DESI1: variants seen among roughly 807,000 people sequenced by gnomAD.
DESI1 encodes the protein desumoylating isopeptidase 1, also known as PPPDE peptidase domain containing 2.
DESI1 carries 17 observed loss-of-function variants against 22.4 expected under a neutral mutation model. The ratio of observed to expected loss-of-function variants is 0.76; its 90% CI spans 0.52 to 1.14. The LOEUF is 1.14. Among genes scored for constraint, DESI1 ranks in the 50% most tolerant of loss-of-function variants. The pLI is 0.00. For missense variants in DESI1, 177 were observed against 208.9 expected (o/e 0.85, Z 0.94); for synonymous variants, 92 against 84.2 (o/e 1.09, Z -0.51).
chr22:41,607,872 A>AAGAAG lies in DESI1; in HGVS notation c.89-16_89-12dup. The AAGAAG allele has an allele frequency of 2.5e-6, 4 of 1,614,148 alleles. No individual in the cohort carries two copies. The highest frequency in any genetic ancestry group is 3.4e-6 in the Non-Finnish European group (4 of 1,179,992). ...CTTCCAGTTGTTTCCCTGTGGAGAG[A>AAGAAG]AGAAGAGATTTAGCCACTTGGGACT... On this transcript the variant is annotated splice_polypyrimidine_tract_variant and intron_variant, in intron 1 of 5. Transcript: ENST00000263256.
chr22:41,600,589 T>G lies in DESI1; in HGVS notation c.*508A>C. The G allele has an allele frequency of 6.4e-6, 1 of 156,178 alleles. No homozygotes were observed. Among genetic ancestry groups the G allele is most frequent in the Non-Finnish European group, 1.4e-5 (1 of 70,366 alleles). 9.7% of individuals were successfully genotyped at this position (156,178 alleles called of 1,614,324 possible). A position where few individuals can be genotyped will look rare whatever the true frequency, so the allele number is the denominator to read the frequency against. The stretch of plus-strand genomic sequence containing the variant: ...GAAGGTGAGGGTTGTGGCTAAAGAG[T>G]TCACTTAGGTTAGGTTAGTCATCCT... On this transcript the variant is annotated 3_prime_UTR_variant, in exon 6 of 6. Coordinates refer to ENST00000263256, the MANE Select transcript of DESI1 (RefSeq NM_015704.3).
intron 1 of DESI1, among the ~76,000 whole-genome samples, chr22:41,608,717 A>G (rs868326830): frequency 4.2e-4 from 64 of 152,162 alleles, no homozygotes; most frequent in African/African-American, 1.5e-3. Context: ...TTCGGAAAAG[A>G]TAACTGTAGT....
At chr22:41,602,939 C>T in intron 5 of DESI1, 1 of 597,882 alleles carries the variant, frequency 1.7e-6, no homozygotes, top group Non-Finnish European at 2.4e-6. Context: ...CTGGGTGCTT[C>T]TGGGGAGTGG....
intron 1 of DESI1, among the ~76,000 whole-genome samples, chr22:41,615,667 A>G (rs1016950221): frequency 3.9e-5 from 6 of 152,206 alleles, no homozygotes; most frequent in African/African-American, 1.2e-4. Context: ...AGTCTCAATC[A>G]TTTCTATAAT....
At chr22:41,607,206 A>G (rs1414240487) in intron 3 of DESI1, 56 bp downstream of exon 3, 3 of 1,476,292 alleles carry the variant, frequency 2.0e-6, no homozygotes, top group African/African-American at 1.4e-5. Context: ...CTCCTGGTCT[A>G]CAGGAGCCCC....
intron 1 of DESI1, among the ~76,000 whole-genome samples, chr22:41,609,175 C>T (rs1395817561): frequency 1.3e-5 from 2 of 152,178 alleles, no homozygotes; most frequent in Non-Finnish European, 2.9e-5. Flanking sequence ...CTCCTCGCCT[C>T]AAGTGATCCA....
intron 1 of DESI1, among the ~76,000 whole-genome samples, chr22:41,613,514 T>C (rs1254970587): frequency 6.6e-6 from 1 of 152,228 alleles, no homozygotes; most frequent in Non-Finnish European, 1.5e-5. Context: ...CAGTTTCTTA[T>C]GTATCTTTAT....
intron 1 of DESI1, 58 bp from the exon 2 acceptor site, chr22:41,607,919 T>C: frequency 1.9e-6 from 3 of 1,602,386 alleles, no homozygotes; most frequent in Non-Finnish European, 2.6e-6. Context: ...CCCCTCAGCC[T>C]TGGTAAATTC....
intron 1 of DESI1, among the ~76,000 whole-genome samples, chr22:41,610,756 C>T (rs1218358219): frequency 6.6e-6 from 1 of 151,986 alleles, no homozygotes; most frequent in Admixed American, 6.6e-5. Context: ...GCCTGTAATC[C>T]CAGCTACTTG....
Position 41,598,824 on chromosome 22 carries a change from C to T in DESI1, c.*2273G>A, listed in dbSNP as rs986952505. 6.6e-6 allele frequency: 1 copy of T among 152,344 alleles called. No homozygotes were observed. Among genetic ancestry groups the T allele is most frequent in the Non-Finnish European group, 1.5e-5 (1 of 68,138 alleles). 9.4% of individuals were successfully genotyped at this position (152,344 alleles called of 1,614,324 possible). A position where few individuals can be genotyped will look rare whatever the true frequency, so the allele number is the denominator to read the frequency against. On this transcript the variant is annotated 3_prime_UTR_variant, in exon 6 of 6. Transcript: ENST00000263256. ...TACCCTCCCAGAAGAAACCCAGCCTCAGAAATTCTTTCTCTTTGGGCCCAA... is the reference window on the plus strand; with the variant it reads ...TACCCTCCCAGAAGAAACCCAGCCTTAGAAATTCTTTCTCTTTGGGCCCAA...
At chr22:41,607,719 T>C in intron 2 of DESI1, 121 bp downstream of exon 2, 1 of 1,187,870 alleles carries the variant, frequency 8.4e-7, no homozygotes, top group Non-Finnish European at 1.2e-6. Flanking sequence ...GCTTTAGGGC[T>C]TGAAGATTTA....
rs1323411550 is a variant in DESI1 at position 41,603,332 on chromosome 22, C to T, written c.340G>A (p.Glu114Lys). ...CGCCCAGTCAGGAACTGTGCCACTTCGTTGCTGAAGGTGTTACAATTGTGT... is the reference window on the plus strand; with the variant it reads ...CGCCCAGTCAGGAACTGTGCCACTTTGTTGCTGAAGGTGTTACAATTGTGT... Reference protein sequence around the residue: ...FEHNCNTFSNEVAQFLTGRKI... With the variant: ...FEHNCNTFSNKVAQFLTGRKI... Residue 114 changes from glutamate (E) to lysine (K), a missense_variant, in exon 5 of 6, where the codon GAA (glutamate) becomes AAA (lysine). Transcript: ENST00000263256. 3.1e-6 allele frequency: 5 copies of T among 1,614,220 alleles called. No individual in the cohort carries two copies. The highest frequency in any genetic ancestry group is 4.2e-6 in the Non-Finnish European group (5 of 1,180,046).
At chr22:41,601,332 C>T (rs891954244) in intron 5 of DESI1, 142 bp from the exon 6 acceptor site, 20 of 703,242 alleles carry the variant, frequency 2.8e-5, no homozygotes, top group Admixed American at 9.8e-5. Context: ...AAGAGCACCT[C>T]GTCACCTCAC....
intron 4 of DESI1, among the ~76,000 whole-genome samples, chr22:41,603,624 G>A (rs1179527172): frequency 1.3e-5 from 2 of 152,184 alleles, no homozygotes; most frequent in African/African-American, 4.8e-5. Context: ...TTACATTCAC[G>A]AAAGCAGAAC....
chr22:41,613,237 G>C (rs965043372), intron 1 of DESI1, among the ~76,000 whole-genome samples: 1 of 152,098 alleles, frequency 6.6e-6, no homozygotes, highest in South Asian at 2.1e-4. Flanking sequence ...TCTATTGGAC[G>C]CACTGTTTAA....
chr22:41,620,756 C>T lies in DESI1; in HGVS notation c.84G>A (p.Met28Ile). The T allele has an allele frequency of 6.2e-7, 1 of 1,609,780 alleles. No individual in the cohort carries two copies. Among genetic ancestry groups the T allele is most frequent in the Non-Finnish European group, 8.5e-7 (1 of 1,178,188 alleles). Residue 28 changes from methionine (M) to isoleucine (I), a missense_variant, in exon 1 of 6, where the codon ATG becomes ATA. Met to Ile is a conservative substitution (Grantham distance 10). Transcript: ENST00000263256. ...ACCTGGCCCCTTCCCCCTCACCCAGCATGATGGGGCTGAGCCGCCGGGCCA... is the reference window on the plus strand; with the variant it reads ...ACCTGGCCCCTTCCCCCTCACCCAGTATGATGGGGCTGAGCCGCCGGGCCA... ...KGLARRLSPI[M>I]LGKQLEGIWH...
chr22:41,616,281 A>C (rs578249993), intron 1 of DESI1, among the ~76,000 whole-genome samples: 1 of 152,180 alleles, frequency 6.6e-6, no homozygotes, highest in Non-Finnish European at 1.5e-5. Context: ...AGTTCACGTC[A>C]TATCTTTTAT....
intron 3 of DESI1, 85 bp from the exon 4 acceptor site, chr22:41,604,238 A>G: frequency 1.1e-6 from 1 of 885,010 alleles, no homozygotes. Context: ...GACCACAAAC[A>G]CTCTGTTCTG....
chr22:41,602,423 C>T (rs1045587609), intron 5 of DESI1: 4 of 985,328 alleles, frequency 4.1e-6, no homozygotes, highest in Non-Finnish European at 3.6e-6. Context: ...GGGCTCCTCA[C>T]CAGCCTGCCA....
Sources: gnomAD v4.1 joint callset for allele counts (sites outside exome capture counted in the v4.1 genomes callset) on GRCh38, gnomAD v4.1.1 for gene constraint, MANE v1.5 for transcripts, NCBI Gene and HGNC (gene_info 2026-07-23, HGNC 2026-07-21) for gene names.